Variants in CEP57L1 observed in about 807,000 individuals in gnomAD.
The protein encoded by CEP57L1 is centrosomal protein CEP57L1.
A neutral mutation model predicts 61.0 loss-of-function variants in CEP57L1; 37 were observed. The observed-to-expected ratio is 0.61, with a 90% CI of 0.47 to 0.80. The LOEUF is 0.80. Among genes scored for constraint, CEP57L1 ranks in the 30% least tolerant of loss-of-function variants. CEP57L1 has a pLI of 0.00. For missense variants in CEP57L1, 422 were observed against 524.7 expected (o/e 0.80, Z 1.91); for synonymous variants, 137 against 162.3 (o/e 0.84, Z 1.19).
intron 1 of CEP57L1, among the ~76,000 whole-genome samples, chr6:109,130,187 G>A (rs549839339): frequency 8.6e-5 from 13 of 151,972 alleles, no homozygotes; most frequent in African/African-American, 3.1e-4. Flanking sequence ...TTTTCATCTG[G>A]CAAAACTGAA....
chr6:109,097,265 C>G (rs1781813976), intron 1 of CEP57L1, among the ~76,000 whole-genome samples: 1 of 152,206 alleles, frequency 6.6e-6, no homozygotes, highest in Non-Finnish European at 1.5e-5. Flanking sequence ...GATAATCTCT[C>G]AAGACCACTA....
intron 1 of CEP57L1, among the ~76,000 whole-genome samples, chr6:109,123,323 A>C (rs1023223535): frequency 3.3e-5 from 5 of 152,154 alleles, no homozygotes; most frequent in Non-Finnish European, 7.3e-5. Context: ...GTCTCTATTA[A>C]AGACAGAATA....
intron 1 of CEP57L1, among the ~76,000 whole-genome samples, chr6:109,119,286 T>TA (rs1221100360): frequency 2.0e-5 from 3 of 152,134 alleles, no homozygotes; most frequent in African/African-American, 4.8e-5. Flanking sequence ...AGGGGCACAG[T>TA]AAAAAATAGT....
At chr6:109,107,809 C>A (rs537413855) in intron 1 of CEP57L1, among the ~76,000 whole-genome samples, 1 of 151,958 alleles carries the variant, frequency 6.6e-6, no homozygotes, top group Non-Finnish European at 1.5e-5. Context: ...GGCATGGTGG[C>A]GCTTGGGTGT....
intron 1 of CEP57L1, among the ~76,000 whole-genome samples, chr6:109,133,347 G>A (rs1774413993): frequency 6.6e-6 from 1 of 152,128 alleles, no homozygotes; most frequent in African/African-American, 2.4e-5. Flanking sequence ...TCCCTGATAT[G>A]CGCAGTTCAC....
intron 1 of CEP57L1, among the ~76,000 whole-genome samples, chr6:109,124,655 A>G (rs1359810856): frequency 6.6e-6 from 1 of 152,220 alleles, no homozygotes; most frequent in Non-Finnish European, 1.5e-5. Flanking sequence ...TATTATTACC[A>G]TGCTATTTCT....
intron 1 of CEP57L1, among the ~76,000 whole-genome samples, chr6:109,097,159 C>G (rs1781801572): frequency 6.6e-6 from 1 of 152,212 alleles, no homozygotes. Flanking sequence ...TCTTGCCCTT[C>G]ATACTTCTAT....
chr6:109,138,986 C>A (rs1426937211), intron 1 of CEP57L1, among the ~76,000 whole-genome samples: 1 of 152,072 alleles, frequency 6.6e-6, no homozygotes, highest in Non-Finnish European at 1.5e-5. Flanking sequence ...GAACTTTTAC[C>A]TTTTCACTGA....
chr6:109,148,949 C>T (rs1772280934), intron 3 of CEP57L1, among the ~76,000 whole-genome samples: 2 of 152,186 alleles, frequency 1.3e-5, no homozygotes, highest in East Asian at 1.9e-4. Context: ...GTCCTTCGCC[C>T]ACTTGTTGAT....
At chr6:109,159,829 ATAT>A (rs1365336913) in intron 9 of CEP57L1, among the ~76,000 whole-genome samples, 6 of 152,252 alleles carry the variant, frequency 3.9e-5, no homozygotes, top group African/African-American at 1.4e-4. Context: ...GGACTGATAG[ATAT>A]TATTATCATT....
chr6:109,110,502 T>C (rs901317656), intron 1 of CEP57L1, among the ~76,000 whole-genome samples: 5 of 152,224 alleles, frequency 3.3e-5, no homozygotes, highest in African/African-American at 1.2e-4. Flanking sequence ...ATAGTTTCTT[T>C]TGCTATGCAG....
At chr6:109,129,649 T>A (rs982239305) in intron 1 of CEP57L1, among the ~76,000 whole-genome samples, 1 of 152,196 alleles carries the variant, frequency 6.6e-6, no homozygotes, top group Non-Finnish European at 1.5e-5. Flanking sequence ...AGGATCCTAT[T>A]GGGTAAAATT....
At chr6:109,133,181 A>G (rs1037970615) in intron 1 of CEP57L1, among the ~76,000 whole-genome samples, 5 of 146,562 alleles carry the variant, frequency 3.4e-5, no homozygotes, top group Non-Finnish European at 7.8e-5. Flanking sequence ...GAGCAATCTT[A>G]TATGTTAAGG....
rs1562160447 is a variant in CEP57L1, at chr6:109,165,515, T to C, written c.*2545T>C. 6.6e-6 allele frequency among the ~76,000 whole-genome samples: 1 copy of C among 152,072 alleles called. No homozygotes were observed. Among genetic ancestry groups the C allele is most frequent in the East Asian group, 1.9e-4 (1 of 5,202 alleles). On this transcript the variant is annotated 3_prime_UTR_variant, in exon 11 of 11. Transcript: ENST00000517392. ...GTAAAAGTGGGAATATTCTCACTTATTTTGGTTTTTATCTCTTTCTGTGTG... is the reference window on the plus strand; with the variant it reads ...GTAAAAGTGGGAATATTCTCACTTACTTTGGTTTTTATCTCTTTCTGTGTG...
At chr6:109,101,553 T>C (rs1448647380) in intron 1 of CEP57L1, among the ~76,000 whole-genome samples, 1 of 152,192 alleles carries the variant, frequency 6.6e-6, no homozygotes, top group African/African-American at 2.4e-5. Context: ...AGGAATATGA[T>C]TGCTGGATCT....
intron 1 of CEP57L1, among the ~76,000 whole-genome samples, chr6:109,107,587 C>A (rs1323876380): frequency 6.6e-6 from 1 of 151,998 alleles, no homozygotes; most frequent in African/African-American, 2.4e-5. Context: ...ACAGAGAAGA[C>A]AAAACTTAAT....
chr6:109,154,742 G>A (rs1291694611), intron 5 of CEP57L1, among the ~76,000 whole-genome samples: 1 of 151,928 alleles, frequency 6.6e-6, no homozygotes, highest in Non-Finnish European at 1.5e-5. Context: ...TTAAGATAAG[G>A]GATCCTCAAT....
In CEP57L1 at chr6:109,167,410, CTG is replaced by C. The variant is rs1343576283; in HGVS notation, c.*4444_*4445del. Among the ~76,000 whole-genome samples the C allele has an allele frequency of 1.3e-5, 2 of 151,986 alleles. No individual in the cohort carries two copies. The highest frequency in any genetic ancestry group is 4.8e-5 in the African/African-American group (2 of 41,372). ...TCCATTTCCCATTTGGGGCTGAGCA[CTG>C]TGTCTTACGCCTGTAATCCCAGCAC... is the stretch of plus-strand genomic sequence containing the variant. On this transcript the variant is annotated 3_prime_UTR_variant, in exon 11 of 11. Coordinates refer to ENST00000517392, the MANE Select transcript of CEP57L1 (RefSeq NM_001271852.3).
intron 1 of CEP57L1, among the ~76,000 whole-genome samples, chr6:109,120,402 C>G (rs1772813229): frequency 6.6e-6 from 1 of 152,158 alleles, no homozygotes; most frequent in Non-Finnish European, 1.5e-5. Context: ...ATAGGAAAGT[C>G]TCCAAAAGAA....
Sources: allele counts gnomAD v4.1 joint callset (sites outside exome capture counted in the v4.1 genomes callset), GRCh38; gene constraint gnomAD v4.1.1; transcripts MANE v1.5; gene names NCBI Gene and HGNC (gene_info 2026-07-23, HGNC 2026-07-21).